The following AXIN1 variants were observed in gnomAD, a reference collection of about 807,000 sequenced individuals.
AXIN1 encodes axin 1, also known as axin-1.
Under a neutral mutation model 76.4 loss-of-function variants are expected in AXIN1, and 30 were observed. That is an observed-to-expected ratio of 0.39 (90% CI 0.29 to 0.53). The LOEUF is 0.53. Ranked by LOEUF, AXIN1 falls within the 20% of genes least tolerant of loss-of-function variation. AXIN1 has a pLI of 0.66. For synonymous variants in AXIN1, 545 were observed against 501.4 expected, an observed-to-expected ratio of 1.09 and a Z score of -1.16; for missense variants, 1,140 against 1,198.8, an observed-to-expected ratio of 0.95 and a Z score of 0.72.
intron 2 of AXIN1, among the ~76,000 whole-genome samples, chr16:343,741 C>G (rs2053974837): frequency 6.6e-6 from 1 of 150,858 alleles, no homozygotes; most frequent in African/African-American, 2.4e-5. Context: ...CAGCCAGGTG[C>G]AGTGGCTCCC....
chr16:311,272 C>T (rs1361890775), intron 3 of AXIN1, among the ~76,000 whole-genome samples: 1 of 151,814 alleles, frequency 6.6e-6, no homozygotes, highest in Non-Finnish European at 1.5e-5. Context: ...CCCCGTGATC[C>T]GCCTGCCTCG....
At chr16:299,206 T>C (rs1361649726) in intron 5 of AXIN1, 1 of 985,348 alleles carries the variant, frequency 1.0e-6, no homozygotes, top group East Asian at 1.1e-4. Context: ...GAAGCTTATC[T>C]GTCAGAGCAA....
At chr16:298,764 G>A (rs923598052) in intron 5 of AXIN1, among the ~76,000 whole-genome samples, 2 of 150,422 alleles carry the variant, frequency 1.3e-5, no homozygotes, top group Non-Finnish European at 3.0e-5. Flanking sequence ...GCCTGCCTTG[G>A]CCTGTATATA....
chr16:342,459 T>C (rs2053947713), intron 2 of AXIN1, among the ~76,000 whole-genome samples: 2 of 152,284 alleles, frequency 1.3e-5, no homozygotes, highest in Admixed American at 6.5e-5. Context: ...CTCCAGGCCC[T>C]GCTGTGGTAG....
At chr16:295,572 T>C (rs1322179911) in intron 7 of AXIN1, among the ~76,000 whole-genome samples, 1 of 151,892 alleles carries the variant, frequency 6.6e-6, no homozygotes, top group Non-Finnish European at 1.5e-5. Flanking sequence ...AAAAAAGTCT[T>C]AATGAATAAA....
In AXIN1 at chr16:293,718, C is replaced by A. The variant is rs2052632501; in HGVS notation, c.1956G>T (p.Gly652=). 1.2e-6 allele frequency: 2 copies of A among 1,613,262 alleles called. No individual in the cohort carries two copies. The highest frequency in any genetic ancestry group is 1.7e-6 in the Non-Finnish European group (2 of 1,179,942). ...GCTGTGGCTTCCTCGTCCCCGAAGA[C>A]CTTGGGGAACAAGAGAACAAGTTGT... ...EISRHRRTGH[G]SSGTRKPQPH... is the part of the protein sequence containing the mutation. Residue 652 remains glycine (G), a splice_region_variant and synonymous_variant, in exon 8 of 11, where the codon GGG becomes GGT. Transcript: ENST00000262320. The surrounding 1 kb of genome is among the most constrained non-coding windows in gnomAD (Gnocchi z 4.6).
At chr16:347,247 G>T in intron 1 of AXIN1, 141 bp from the exon 2 acceptor site, 1 of 809,132 alleles carries the variant, frequency 1.2e-6, no homozygotes, top group Non-Finnish European at 1.9e-6. Flanking sequence ...GTTCAATCAA[G>T]ATATATTTTG....
intron 2 of AXIN1, among the ~76,000 whole-genome samples, chr16:325,243 C>T (rs377222122): frequency 3.3e-5 from 5 of 152,328 alleles, no homozygotes; most frequent in Middle Eastern, 3.4e-3. Flanking sequence ...ACCTGTCGCT[C>T]GAGGTCAGTC....
chr16:307,813 C>T (rs556489153), intron 4 of AXIN1, among the ~76,000 whole-genome samples: 35 of 152,362 alleles, frequency 2.3e-4, no homozygotes, highest in Middle Eastern at 6.8e-3. Flanking sequence ...AACCACGGCA[C>T]GTCCTGCTAG....
At chr16:302,737 G>A (rs2141537416) in intron 5 of AXIN1, among the ~76,000 whole-genome samples, 1 of 152,334 alleles carries the variant, frequency 6.6e-6, no homozygotes, top group East Asian at 1.9e-4. Flanking sequence ...TTACATCAAG[G>A]ATCAGGTGAA....
chr16:346,618 C>T lies in AXIN1; in HGVS notation c.408G>A (p.Lys136=), dbSNP rs2141705217. ...KLEPCDSNEE[K]RLKLARAIYR... is the part of the protein sequence containing the mutation. ...AGATGGCTCTCGCCAGCTTCAGCCT[C>T]TTCTCCTCGTTCGAGTCACAGGGCT... Residue 136 remains lysine, a synonymous_variant, in exon 2 of 11, where the codon AAG becomes AAA. Transcript: ENST00000262320. The T allele has an allele frequency of 6.3e-7, 1 of 1,595,570 alleles. No individual in the cohort carries two copies. The highest frequency in any genetic ancestry group is 8.6e-7 in the Non-Finnish European group (1 of 1,169,492).
Position 352,517 on chromosome 16 carries a change from G to C in AXIN1, c.-230C>G. The C allele has an allele frequency of 1.4e-6, 1 of 732,766 alleles. No homozygotes were observed. The highest frequency in any genetic ancestry group is 1.7e-6 in the Non-Finnish European group (1 of 602,216). The allele number at this position is 732,766 out of a possible 1,614,324, so 45.4% of individuals were successfully genotyped here. A position where few individuals can be genotyped will look rare whatever the true frequency, so the allele number is the denominator to read the frequency against. On this transcript the variant is annotated 5_prime_UTR_variant, in exon 1 of 11. Transcript: ENST00000262320. ...CCATCTCGGCGGCTGCGGCTCGGCG[G>C]CCCGGAGGCGGACGCGGGGCAGGCC... is the stretch of plus-strand genomic sequence containing the variant.
chr16:322,551 C>T (rs1052096237), intron 2 of AXIN1, among the ~76,000 whole-genome samples: 1 of 152,182 alleles, frequency 6.6e-6, no homozygotes, highest in South Asian at 2.1e-4. Context: ...CTGGGCTGCA[C>T]ATCCTCCTCT....
chr16:297,916 G>C lies in AXIN1; in HGVS notation c.1590C>G (p.His530Gln), dbSNP rs1260693069. The change falls in exon 6 of 11, where the codon CAC (histidine) becomes CAG (glutamine). Residue 530 changes from histidine (H) to glutamine (Q), a missense_variant. His to Gln is a conservative substitution (Grantham distance 24). Around this residue, in one of 3 missense-constraint regions of AXIN1, gnomAD observed 708 missense variants for 776.9 expected, o/e 0.91. Transcript: ENST00000262320. ...CGTGGTGGTGGACGTGTCGGTGGTG[G>C]TGCAGGCCGGCCGCGTCCAGCTTCG... ...SGAKLDAAGL[H>Q]HHRHVHHHVH... The C allele has an allele frequency of 6.3e-7, 1 of 1,597,426 alleles. No homozygotes were observed. Among genetic ancestry groups the C allele is most frequent in the South Asian group, 1.1e-5 (1 of 89,890 alleles).
intron 5 of AXIN1, 84 bp downstream of exon 5, chr16:304,220 C>A (rs1369469788): frequency 1.6e-5 from 26 of 1,594,824 alleles, no homozygotes; most frequent in Non-Finnish European, 2.5e-6. Flanking sequence ...CCCGGGCATC[C>A]CCATGAAGAA....
intron 1 of AXIN1, among the ~76,000 whole-genome samples, chr16:348,661 G>C (rs2054081013): frequency 6.6e-6 from 1 of 152,112 alleles, no homozygotes; most frequent in African/African-American, 2.4e-5. Context: ...TAATTAGCCG[G>C]GTATGGTAGC....
chr16:325,792 C>T (rs910530775), intron 2 of AXIN1, among the ~76,000 whole-genome samples: 2 of 152,182 alleles, frequency 1.3e-5, no homozygotes, highest in African/African-American at 4.8e-5. Flanking sequence ...CATGACGGGG[C>T]CTTCGGAAAC....
chr16:293,820 G>T lies in AXIN1; in HGVS notation c.1956-102C>A. On this transcript the variant is annotated intron_variant, in intron 7 of 10. Coordinates refer to ENST00000262320, the MANE Select transcript of AXIN1 (RefSeq NM_003502.4). The surrounding 1 kb of genome is among the most constrained non-coding windows in gnomAD (Gnocchi z 4.6). ...ACAAGGGCAGCCTCCTTGAGGGATA[G>T]GATGGGATGGGGCACTGGGGCCTGG... is the stretch of plus-strand genomic sequence containing the variant. 8.7e-7 allele frequency: 1 copy of T among 1,153,974 alleles called. No individual in the cohort carries two copies. Among genetic ancestry groups the T allele is most frequent in the Non-Finnish European group, 1.3e-6 (1 of 775,832 alleles). 71.5% of individuals were successfully genotyped at this position (1,153,974 alleles called of 1,614,324 possible).
intron 2 of AXIN1, among the ~76,000 whole-genome samples, chr16:332,559 G>A (rs1313698640): frequency 6.8e-6 from 1 of 146,150 alleles, no homozygotes; most frequent in East Asian, 2.0e-4. Context: ...CTGGGCGAAA[G>A]AGCGAGACTC....
Sources: allele counts gnomAD v4.1 joint callset (sites outside exome capture counted in the v4.1 genomes callset), GRCh38; gene constraint gnomAD v4.1.1; regional missense constraint gnomAD v4.1.1; non-coding constraint Gnocchi (gnomAD v3.1); transcripts MANE v1.5; gene names NCBI Gene and HGNC (gene_info 2026-07-23, HGNC 2026-07-21).